The following DVL3 variants were observed in gnomAD, a reference collection of about 807,000 sequenced individuals.
DVL3 encodes dishevelled segment polarity protein 3.
Under a neutral mutation model 67.4 loss-of-function variants are expected in DVL3, and 27 were observed. That is an observed-to-expected ratio of 0.40 (90% CI 0.30 to 0.55). The LOEUF is 0.55. DVL3 is among the 20% of genes least tolerant of loss of function. DVL3 has a pLI of 0.46. For synonymous variants in DVL3, 369 were observed against 396.8 expected (o/e 0.93, Z 0.83); for missense variants, 819 against 1,021.5 (o/e 0.80, Z 2.70).
In DVL3 at chr3:184,155,570, T is replaced by C. The variant is rs1383827267; in HGVS notation, c.-66T>C. On this transcript the variant is annotated 5_prime_UTR_variant, in exon 1 of 15. Coordinates refer to ENST00000313143, the MANE Select transcript of DVL3 (RefSeq NM_004423.4). This position sits in a 1 kb window ranked among gnomAD's most constrained non-coding sequence, Gnocchi z 5.4. The stretch of plus-strand genomic sequence containing the variant: ...TGGGCCGCGCCGCGCGCCGCCGCCG[T>C]CTGGGAGGCTCGGCCCGGCCGCCCG... The C allele has an allele frequency of 1.0e-6, 1 of 993,286 alleles. No homozygotes were observed. Among genetic ancestry groups the C allele is most frequent in the African/African-American group, 1.8e-5 (1 of 56,694 alleles). The allele number at this position is 993,286 out of a possible 1,614,324, so 61.5% of individuals were successfully genotyped here. A position where few individuals can be genotyped will look rare whatever the true frequency, so the allele number is the denominator to read the frequency against.
rs1263284496 is a variant in DVL3 at position 184,171,429 on chromosome 3, C to T, written c.*674C>T. The T allele has an allele frequency of 1.0e-6, 1 of 991,126 alleles. No homozygotes were observed. The highest frequency in any genetic ancestry group is 1.7e-5 in the African/African-American group (1 of 57,284). The allele number at this position is 991,126 out of a possible 1,614,324, so 61.4% of individuals were successfully genotyped here. A position where few individuals can be genotyped will look rare whatever the true frequency, so the allele number is the denominator to read the frequency against. On this transcript the variant is annotated 3_prime_UTR_variant, in exon 15 of 15. Coordinates refer to ENST00000313143, the MANE Select transcript of DVL3 (RefSeq NM_004423.4). ...TTCCAGGGAGCATCTCTGCTCTACCCCTGCCCCATGCCTGCCCTGCGTGCT... is the reference window on the plus strand; with the variant it reads ...TTCCAGGGAGCATCTCTGCTCTACCTCTGCCCCATGCCTGCCCTGCGTGCT...
Position 184,166,406 on chromosome 3 carries a change from C to T in DVL3, c.904-40C>T. ...CAAGTTGAGTTCCCTTTTCATCCTC[C>T]CCAGCACAGCTGTTTATCCCACTCC... On this transcript the variant is annotated intron_variant, in intron 8 of 14. Transcript: ENST00000313143. This position sits in a 1 kb window ranked among gnomAD's most constrained non-coding sequence, Gnocchi z 6.7. The T allele has an allele frequency of 6.2e-7, 1 of 1,613,352 alleles. No individual in the cohort carries two copies. Among genetic ancestry groups the T allele is most frequent in the Non-Finnish European group, 8.5e-7 (1 of 1,179,374 alleles).
chr3:184,164,869 T>C lies in DVL3; in HGVS notation c.537T>C (p.Leu179=). ...GGGGTTATGATAGCTCATCCACCCT[T>C]ATGAGCAGTGAGCTGGAGACCACCA... ...EPGGYDSSST[L]MSSELETTSF... Residue 179 remains leucine, a synonymous_variant, in exon 5 of 15, where the codon CTT becomes CTC. Transcript: ENST00000313143. The surrounding 1 kb of genome is among the most constrained non-coding windows in gnomAD (Gnocchi z 5.3). The C allele has an allele frequency of 1.9e-6, 3 of 1,614,084 alleles. No homozygotes were observed. Among genetic ancestry groups the C allele is most frequent in the Non-Finnish European group, 2.5e-6 (3 of 1,179,998 alleles).
chr3:184,164,635 C>T lies in DVL3; in HGVS notation c.463+34C>T, dbSNP rs749781542. The stretch of plus-strand genomic sequence containing the variant: ...TCCTGAACACGGACACTGTCCGCAC[C>T]TCACACCCTCCCCTCACTTTCCACC... On this transcript the variant is annotated intron_variant, in intron 4 of 14. Coordinates refer to ENST00000313143, the MANE Select transcript of DVL3 (RefSeq NM_004423.4). This position sits in a 1 kb window ranked among gnomAD's most constrained non-coding sequence, Gnocchi z 5.3. The T allele has an allele frequency of 6.4e-7, 1 of 1,551,008 alleles. No homozygotes were observed. The highest frequency in any genetic ancestry group is 1.2e-5 in the South Asian group (1 of 80,890).
In DVL3 at chr3:184,170,114, T is replaced by C; in HGVS notation, c.1607T>C (p.Phe536Ser). The C allele has an allele frequency of 1.2e-6, 2 of 1,613,900 alleles. No homozygotes were observed. The highest frequency in any genetic ancestry group is 1.7e-5 in the Admixed American group (1 of 59,998). Residue 536 changes from phenylalanine to serine, a missense_variant, in exon 14 of 15, where the codon TTC (phenylalanine) becomes TCC (serine). This residue lies in a region of DVL3 where 324 missense variants were observed against 331.3 expected (regional missense o/e 0.98). Transcript: ENST00000313143. The surrounding 1 kb of genome is among the most constrained non-coding windows in gnomAD (Gnocchi z 6.5). ...HPGAAPWPMA[F>S]PYQYPPPPHP... ...GGGGCCGCCCCTTGGCCCATGGCTT[T>C]CCCGTACCAGTACCCGCCACCCCCG...
At position 184,165,463 on chromosome 3, in the gene DVL3, C is replaced by T. The variant is rs751498626; in HGVS notation, c.735C>T (p.Leu245=). 2.5e-6 allele frequency: 4 copies of T among 1,614,122 alleles called. No homozygotes were observed. In the East Asian group the frequency reaches 6.7e-5, roughly 27 times the overall value. The change falls in exon 7 of 15, where the codon CTC becomes CTT. Residue 245 remains leucine (L), a synonymous_variant. Transcript: ENST00000313143. The surrounding 1 kb of genome is among the most constrained non-coding windows in gnomAD (Gnocchi z 4.1). ...GCATCACGGACTCCACCATGTCACT[C>T]AACATCATCACGGTCACTCTCAACA... is the stretch of plus-strand genomic sequence containing the variant. ...FSSITDSTMS[L]NIITVTLNME...
At position 184,172,000 on chromosome 3, in the gene DVL3, C is replaced by G. The variant is rs918693676; in HGVS notation, c.*1245C>G. ...GCTGGTCCCCTGACACCCTTCTCCC[C>G]TTCCTGGTAGACCTTAAACCTCGCA... On this transcript the variant is annotated 3_prime_UTR_variant, in exon 15 of 15. Transcript: ENST00000313143. 7 of 152,996 alleles carry G rather than the reference C, an allele frequency of 4.6e-5. No individual in the cohort carries two copies. Among genetic ancestry groups the G allele is most frequent in the African/African-American group, 1.7e-4 (7 of 41,474 alleles). The allele number at this position is 152,996 out of a possible 1,614,324, so 9.5% of individuals were successfully genotyped here.
At chr3:184,162,125 G>A (rs1714402253) in intron 1 of DVL3, among the ~76,000 whole-genome samples, 1 of 151,336 alleles carries the variant, frequency 6.6e-6, no homozygotes, top group African/African-American at 2.4e-5. Flanking sequence ...TAAGTAAAGT[G>A]TTTAGCATAG....
rs1317264746 is a variant in DVL3, at chr3:184,164,382, C to T, written c.347C>T (p.Ser116Phe). The change falls in exon 3 of 15, where the codon TCC becomes TTC. Residue 116 changes from serine to phenylalanine, a missense_variant. This residue lies in a region of DVL3 where 385 missense variants were observed against 486.8 expected (regional missense o/e 0.79). Transcript: ENST00000313143. This position sits in a 1 kb window ranked among gnomAD's most constrained non-coding sequence, Gnocchi z 5.3. ...GGCATCGGGGACTCCCGACCCCCAT[C>T]CTTCCAGTGAGTGTGACCTGAGGGT... ...TGGIGDSRPP[S>F]FHPHAGGGSQ... 6.2e-7 allele frequency: 1 copy of T among 1,613,718 alleles called. No homozygotes were observed.
rs905281138 is a variant in DVL3 at position 184,155,829 on chromosome 3, C to T, written c.161+33C>T. The stretch of plus-strand genomic sequence containing the variant: ...TGGCCCCCGCCCCGCCTCCGGGAGC[C>T]CCGGCCGCTCTGGCTTCTAAGGGAT... On this transcript the variant is annotated intron_variant, in intron 1 of 14. Transcript: ENST00000313143. The surrounding 1 kb of genome is among the most constrained non-coding windows in gnomAD (Gnocchi z 5.4). The T allele has an allele frequency of 4.4e-6, 7 of 1,578,272 alleles. No individual in the cohort carries two copies. Among genetic ancestry groups the T allele is most frequent in the Non-Finnish European group, 6.0e-6 (7 of 1,162,932 alleles).
At chr3:184,162,954 A>G (rs1188456882) in intron 1 of DVL3, among the ~76,000 whole-genome samples, 1 of 152,020 alleles carries the variant, frequency 6.6e-6, no homozygotes, top group African/African-American at 2.4e-5. Flanking sequence ...TAGGAAGGGG[A>G]GTGGAAAAGT....
intron 1 of DVL3, among the ~76,000 whole-genome samples, chr3:184,158,770 AT>A (rs1251200684): frequency 3.5e-5 from 5 of 140,894 alleles, no homozygotes; most frequent in Middle Eastern, 3.9e-3. Flanking sequence ...ATCTTTTTAA[AT>A]TTTTTTTCTT....
chr3:184,169,843 G>A (rs888219259), intron 13 of DVL3, among the ~76,000 whole-genome samples, 163 bp from the exon 14 acceptor site: 1 of 152,154 alleles, frequency 6.6e-6, no homozygotes, highest in Non-Finnish European at 1.5e-5. Context: ...GCTGGCTCTG[G>A]TGGTGGCAAA....
At position 184,164,493 on chromosome 3, in the gene DVL3, C is replaced by A; in HGVS notation, c.355C>A (p.Pro119Thr). 1 of 1,598,296 alleles carries A rather than the reference C, an allele frequency of 6.3e-7. No individual in the cohort carries two copies. The highest frequency in any genetic ancestry group is 8.5e-7 in the Non-Finnish European group (1 of 1,172,672). Residue 119 changes from proline to threonine, a missense_variant and splice_region_variant, in exon 4 of 15, where the codon CCT becomes ACT. By Grantham distance (38) the Pro-to-Thr change is conservative (BLOSUM62 -1). This residue lies in a region of DVL3 where 385 missense variants were observed against 486.8 expected (regional missense o/e 0.79). Coordinates refer to ENST00000313143, the MANE Select transcript of DVL3 (RefSeq NM_004423.4). The surrounding 1 kb of genome is among the most constrained non-coding windows in gnomAD (Gnocchi z 5.3). The stretch of plus-strand genomic sequence containing the variant: ...CCCCATCAAGTCTCTTCCCTGCAGC[C>A]CTCATGCTGGTGGGGGCAGCCAGGA... ...IGDSRPPSFHPHAGGGSQENL... is the reference protein window; with the variant it reads ...IGDSRPPSFHTHAGGGSQENL...
chr3:184,172,977 C>T lies in DVL3; in HGVS notation c.*2222C>T, dbSNP rs1187554803. The stretch of plus-strand genomic sequence containing the variant: ...TGTCAGTATCAGTGCTTCCATCGTT[C>T]CATCTTTGATTCACTTCTCTTTCCT... On this transcript the variant is annotated 3_prime_UTR_variant, in exon 15 of 15. Coordinates refer to ENST00000313143, the MANE Select transcript of DVL3 (RefSeq NM_004423.4). 6.6e-6 allele frequency: 1 copy of T among 152,296 alleles called. No individual in the cohort carries two copies. Among genetic ancestry groups the T allele is most frequent in the Non-Finnish European group, 1.5e-5 (1 of 68,056 alleles). 9.4% of individuals were successfully genotyped at this position (152,296 alleles called of 1,614,324 possible).
In DVL3 at chr3:184,164,507, G is replaced by T; in HGVS notation, c.369G>T (p.Gly123=). The T allele has an allele frequency of 6.3e-7, 1 of 1,593,340 alleles. No homozygotes were observed. Among genetic ancestry groups the T allele is most frequent in the South Asian group, 1.1e-5 (1 of 87,992 alleles). Residue 123 remains glycine (G), a synonymous_variant, in exon 4 of 15, where the codon GGG becomes GGT. Transcript: ENST00000313143. This position sits in a 1 kb window ranked among gnomAD's most constrained non-coding sequence, Gnocchi z 5.3. ...RPPSFHPHAG[G]GSQENLDNDT... ...TTCCCTGCAGCCCTCATGCTGGTGG[G>T]GGCAGCCAGGAGAACCTGGACAATG... is the stretch of plus-strand genomic sequence containing the variant.
chr3:184,165,615 G>T lies in DVL3; in HGVS notation c.763+124G>T. ...GAGCTCTCTTTCGTAAACATCAGCT[G>T]ATACATAAACTGATCATTTTAGTAT... On this transcript the variant is annotated intron_variant, in intron 7 of 14. Coordinates refer to ENST00000313143, the MANE Select transcript of DVL3 (RefSeq NM_004423.4). This position sits in a 1 kb window ranked among gnomAD's most constrained non-coding sequence, Gnocchi z 4.1. The T allele has an allele frequency of 2.5e-6, 2 of 796,998 alleles. No homozygotes were observed. Among genetic ancestry groups the T allele is most frequent in the Non-Finnish European group, 4.2e-6 (2 of 474,548 alleles). 49.4% of individuals were successfully genotyped at this position (796,998 alleles called of 1,614,324 possible). A position where few individuals can be genotyped will look rare whatever the true frequency, so the allele number is the denominator to read the frequency against.
rs761961682 is a variant in DVL3 at position 184,155,671 on chromosome 3, G to T, written c.36G>T (p.Gly12=). The change falls in exon 1 of 15, where the codon GGG becomes GGT. Residue 12 remains glycine, a synonymous_variant. Coordinates refer to ENST00000313143, the MANE Select transcript of DVL3 (RefSeq NM_004423.4). The surrounding 1 kb of genome is among the most constrained non-coding windows in gnomAD (Gnocchi z 5.4). The part of the protein sequence containing the change: ...GETKIIYHLD[G]QETPYLVKLP... The stretch of plus-strand genomic sequence containing the variant: ...CCAAGATCATCTACCACTTGGATGG[G>T]CAGGAGACGCCGTACCTTGTGAAGC... 1 of 1,609,476 alleles carries T rather than the reference G, an allele frequency of 6.2e-7. No individual in the cohort carries two copies. The highest frequency in any genetic ancestry group is 1.1e-5 in the South Asian group (1 of 90,870).
In DVL3 at chr3:184,171,511, G is replaced by A; in HGVS notation, c.*756G>A. 1 of 986,016 alleles carries A rather than the reference G, an allele frequency of 1.0e-6. No homozygotes were observed. Among genetic ancestry groups the A allele is most frequent in the Non-Finnish European group, 1.2e-6 (1 of 830,048 alleles). The allele number at this position is 986,016 out of a possible 1,614,324, so 61.1% of individuals were successfully genotyped here. A position where few individuals can be genotyped will look rare whatever the true frequency, so the allele number is the denominator to read the frequency against. ...GCAGGCTCATCTCACCTCCAGGCCT[G>A]AAACATTTCTTTTCTTTCTTTTTTC... On this transcript the variant is annotated 3_prime_UTR_variant, in exon 15 of 15. Coordinates refer to ENST00000313143, the MANE Select transcript of DVL3 (RefSeq NM_004423.4).
Sources: gnomAD v4.1 joint callset for allele counts (sites outside exome capture counted in the v4.1 genomes callset) on GRCh38, gnomAD v4.1.1 for gene constraint, gnomAD v4.1.1 regional missense constraint, Gnocchi (gnomAD v3.1) non-coding constraint, MANE v1.5 for transcripts, NCBI Gene and HGNC (gene_info 2026-07-23, HGNC 2026-07-21) for gene names.